Variants in GCFC2 observed in about 807,000 individuals in gnomAD.
GCFC2 encodes the protein intron Large complex component GCFC2.
In GCFC2, 102 loss-of-function variants were observed where a neutral mutation model predicts 99.4. The observed-to-expected ratio is 1.03, with a 90% CI of 0.87 to 1.21. The LOEUF is 1.21. Among genes scored for constraint, GCFC2 ranks in the 50% most tolerant of loss-of-function variants. GCFC2 has a pLI of 0.00. For synonymous variants in GCFC2, 338 were observed against 316.8 expected (o/e 1.07, Z -0.71); for missense variants, 973 against 920.9 (o/e 1.06, Z -0.73).
At chr2:75,673,294 T>C (rs971713915) in intron 13 of GCFC2, 150 bp downstream of exon 13, 131 of 579,868 alleles carry the variant, frequency 2.3e-4, no homozygotes, top group African/African-American at 1.8e-3. Flanking sequence ...GGCGACAGAG[T>C]GAGACTCAGT....
chr2:75,698,346 A>G (rs1377480652), intron 4 of GCFC2, among the ~76,000 whole-genome samples: 1 of 152,194 alleles, frequency 6.6e-6, no homozygotes, highest in Non-Finnish European at 1.5e-5. Flanking sequence ...TGAACAAAAG[A>G]AAGGAGAGGA....
intron 11 of GCFC2, among the ~76,000 whole-genome samples, chr2:75,680,784 G>A (rs1024289666): frequency 2.0e-5 from 3 of 151,878 alleles, no homozygotes; most frequent in South Asian, 4.2e-4. Context: ...CTACTCCCTT[G>A]CATTCTCTTT....
intron 12 of GCFC2, among the ~76,000 whole-genome samples, chr2:75,679,471 C>A (rs944848793): frequency 6.6e-6 from 1 of 152,148 alleles, no homozygotes; most frequent in South Asian, 2.1e-4. Context: ...TGAGAAGATT[C>A]TCAGCAACAT....
At chr2:75,667,686 T>C (rs947754174) in intron 15 of GCFC2, among the ~76,000 whole-genome samples, 4 of 152,202 alleles carry the variant, frequency 2.6e-5, no homozygotes, top group African/African-American at 9.6e-5. Context: ...AAAATTCTCA[T>C]TTAACCATGT....
At chr2:75,705,773 T>C (rs902241202) in intron 2 of GCFC2, among the ~76,000 whole-genome samples, 31 of 152,192 alleles carry the variant, frequency 2.0e-4, no homozygotes, top group Admixed American at 2.0e-3. Flanking sequence ...TAGGCTTCAC[T>C]AGACTGAAAA....
intron 12 of GCFC2, among the ~76,000 whole-genome samples, chr2:75,675,749 A>AAAC (rs1679305028): frequency 6.6e-6 from 1 of 151,280 alleles, no homozygotes; most frequent in African/African-American, 2.4e-5. Context: ...GTCAAAAAAA[A>AAAC]AAAAAAAAAC....
intron 15 of GCFC2, among the ~76,000 whole-genome samples, chr2:75,668,770 A>G (rs934485792): frequency 3.9e-5 from 6 of 152,198 alleles, no homozygotes; most frequent in African/African-American, 1.2e-4. Context: ...CTATATGTGC[A>G]TCTCTAATTT....
Position 75,710,792 on chromosome 2 carries a change from C to T in GCFC2, c.64G>A (p.Ala22Thr), listed in dbSNP as rs1362289118. ...CCAGGCTCAGCAGGCGACTCCTCGG[C>T]GCCATCGCTGTCGCTGGAATCAGCC... is the stretch of plus-strand genomic sequence containing the variant. The part of the protein sequence containing the change: ...RAADSSDSDG[A>T]EESPAEPGAP... The change falls in exon 1 of 17, where the codon GCC becomes ACC. Residue 22 changes from alanine (A) to threonine (T), a missense_variant. Physicochemically the swap from Ala to Thr is moderately conservative, Grantham distance 58 (BLOSUM62 0). Coordinates refer to ENST00000321027, the MANE Select transcript of GCFC2 (RefSeq NM_003203.5). 1.3e-6 allele frequency: 2 copies of T among 1,577,018 alleles called. No homozygotes were observed. The highest frequency in any genetic ancestry group is 2.4e-5 in the East Asian group (1 of 41,846).
intron 12 of GCFC2, among the ~76,000 whole-genome samples, chr2:75,674,564 C>A (rs1322734071): frequency 6.6e-6 from 1 of 151,820 alleles, no homozygotes; most frequent in Non-Finnish European, 1.5e-5. Context: ...GGATGAAAGA[C>A]AATGAGTGTT....
intron 12 of GCFC2, among the ~76,000 whole-genome samples, chr2:75,675,753 A>G (rs1166725046): frequency 6.6e-6 from 1 of 151,358 alleles, no homozygotes; most frequent in African/African-American, 2.4e-5. Flanking sequence ...AAAAAAAAAA[A>G]AAAAACAAAA....
Position 75,687,903 on chromosome 2 carries a change from A to C in GCFC2, c.1614T>G (p.Asp538Glu), listed in dbSNP as rs763977672. The C allele has an allele frequency of 3.1e-6, 5 of 1,602,528 alleles. No individual in the cohort carries two copies. The Admixed American group carries it at 5.0e-5, about 16-fold the overall frequency. Residue 538 changes from aspartate to glutamate, a missense_variant, in exon 11 of 17, where the codon GAT becomes GAG. Coordinates refer to ENST00000321027, the MANE Select transcript of GCFC2 (RefSeq NM_003203.5). ...VEEFMDSSVEDSKKESSSDKK... is the reference protein window; with the variant it reads ...VEEFMDSSVEESKKESSSDKK... ...TATCTGAACTACTTTCCTTCTTTGAATCTTCCACACTGCTATCCATAAATT... is the reference window on the plus strand; with the variant it reads ...TATCTGAACTACTTTCCTTCTTTGACTCTTCCACACTGCTATCCATAAATT...
At chr2:75,689,310 A>T (rs541029697) in intron 9 of GCFC2, 85 bp from the exon 10 acceptor site, 152 of 678,822 alleles carry the variant, frequency 2.2e-4, no homozygotes, top group Middle Eastern at 1.8e-3. Context: ...GATGGACTGT[A>T]ATCAATTGAG....
intron 12 of GCFC2, among the ~76,000 whole-genome samples, chr2:75,675,808 G>A (rs149389720): frequency 5.3e-5 from 8 of 151,180 alleles, no homozygotes; most frequent in Non-Finnish European, 1.5e-5. Flanking sequence ...TTAAAACCGT[G>A]AGATATTAAC....
At chr2:75,688,232 T>C (rs532691942) in intron 10 of GCFC2, among the ~76,000 whole-genome samples, 2 of 152,312 alleles carry the variant, frequency 1.3e-5, no homozygotes, top group East Asian at 1.9e-4. Context: ...AACTACCTAG[T>C]GTGTGCCGGA....
chr2:75,681,030 T>C (rs1261186565), intron 11 of GCFC2, among the ~76,000 whole-genome samples: 1 of 152,208 alleles, frequency 6.6e-6, no homozygotes, highest in Admixed American at 6.5e-5. Flanking sequence ...CAGAACACTG[T>C]CCTTCCACTT....
chr2:75,696,303 CTA>C lies in GCFC2; in HGVS notation c.728_729del (p.Ile243ArgfsTer15). ...GAAGATCCATTGCCACAGGAAAGAT[CTA>C]TGTCTCTTTCCTAAAAAAGTAAAAA... is the stretch of plus-strand genomic sequence containing the variant. ...KAVKIIEERD[I>X]DLSCGNGSSK... On this transcript the variant is annotated frameshift_variant, in exon 5 of 17. Coordinates refer to ENST00000321027, the MANE Select transcript of GCFC2 (RefSeq NM_003203.5). LOFTEE classifies it high-confidence loss of function. 7.6e-7 allele frequency: 1 copy of C among 1,314,926 alleles called. No individual in the cohort carries two copies. The highest frequency in any genetic ancestry group is 1.2e-5 in the South Asian group (1 of 82,414). 81.5% of individuals were successfully genotyped at this position (1,314,926 alleles called of 1,614,324 possible).
intron 11 of GCFC2, among the ~76,000 whole-genome samples, chr2:75,685,461 TATC>T (rs1025226223): frequency 1.6e-4 from 25 of 152,148 alleles, no homozygotes; most frequent in Non-Finnish European, 3.4e-4. Context: ...TCATCTGACT[TATC>T]ATCAACAATT....
chr2:75,664,431 C>T lies in GCFC2; in HGVS notation c.*235G>A, dbSNP rs1023879625. 1 of 267,412 alleles carries T rather than the reference C, an allele frequency of 3.7e-6. No individual in the cohort carries two copies. The highest frequency in any genetic ancestry group is 7.0e-6 in the Non-Finnish European group (1 of 143,410). 16.6% of individuals were successfully genotyped at this position (267,412 alleles called of 1,614,324 possible). A position where few individuals can be genotyped will look rare whatever the true frequency, so the allele number is the denominator to read the frequency against. On this transcript the variant is annotated 3_prime_UTR_variant, in exon 17 of 17. Transcript: ENST00000321027. Reference sequence around the variant, plus strand: ...CAGCCAAAAGAATCAAAGGGAAACACGTTGAGCTCTTAAAGCTCCAGTGCA... The same window carrying T: ...CAGCCAAAAGAATCAAAGGGAAACATGTTGAGCTCTTAAAGCTCCAGTGCA...
At chr2:75,693,595 T>A (rs1448086695) in intron 6 of GCFC2, among the ~76,000 whole-genome samples, 2 of 152,086 alleles carry the variant, frequency 1.3e-5, no homozygotes, top group East Asian at 3.9e-4. Context: ...AAAACAAAAA[T>A]TTCAAAACAT....
Sources: gnomAD v4.1 joint callset for allele counts (sites outside exome capture counted in the v4.1 genomes callset) on GRCh38, gnomAD v4.1.1 for gene constraint, MANE v1.5 for transcripts, NCBI Gene and HGNC (gene_info 2026-07-23, HGNC 2026-07-21) for gene names.